The following DENND4A variants were observed in gnomAD, a reference collection of about 807,000 sequenced individuals.
DENND4A encodes the protein DENN domain containing 4A, also known as C-myc promoter-binding protein.
DENND4A carries 70 observed loss-of-function variants against 199.3 expected under a neutral mutation model. The ratio of observed to expected loss-of-function variants is 0.35; its 90% confidence interval spans 0.29 to 0.43. The LOEUF is 0.43. DENND4A is among the 20% of genes least tolerant of loss of function. DENND4A has a pLI of 1.00. For synonymous variants in DENND4A, 686 were observed against 766.9 expected, an observed-to-expected ratio of 0.89 and a Z score of 1.74; for missense variants, 1,723 against 2,255.8, an observed-to-expected ratio of 0.76 and a Z score of 4.78.
chr15:65,771,196 A>C (rs748158988), intron 1 of DENND4A: 13 of 1,605,908 alleles, frequency 8.1e-6, no homozygotes, highest in Non-Finnish European at 1.1e-5. Context: ...AAAGACCGGT[A>C]AGCCGCTCTA....
chr15:65,707,138 A>G (rs2075090311), intron 14 of DENND4A, among the ~76,000 whole-genome samples: 1 of 152,156 alleles, frequency 6.6e-6, no homozygotes, highest in Non-Finnish European at 1.5e-5. Context: ...AGTCACATCA[A>G]TATCGAAAGC....
intron 13 of DENND4A, 138 bp from the exon 14 acceptor site, chr15:65,715,761 A>G (rs1008257674): frequency 2.8e-6 from 2 of 711,744 alleles, no homozygotes; most frequent in African/African-American, 1.9e-5. Flanking sequence ...GCTGAGAGGG[A>G]AAATGACCTG....
chr15:65,791,438 A>G (rs181976926), intron 1 of DENND4A, among the ~76,000 whole-genome samples: 1 of 151,472 alleles, frequency 6.6e-6, no homozygotes, highest in Non-Finnish European at 1.5e-5. Context: ...GTAACCAGGA[A>G]CAGTTCCCTT....
intron 1 of DENND4A, among the ~76,000 whole-genome samples, chr15:65,768,554 G>A (rs1248381693): frequency 6.6e-6 from 1 of 151,984 alleles, no homozygotes; most frequent in African/African-American, 2.4e-5. Flanking sequence ...TTACATAAAT[G>A]GAACATGGAA....
intron 23 of DENND4A, among the ~76,000 whole-genome samples, chr15:65,687,307 A>G (rs1045264547): frequency 6.6e-6 from 1 of 152,118 alleles, no homozygotes; most frequent in Admixed American, 6.5e-5. Flanking sequence ...TTTACTACTG[A>G]TGTTCACTAC....
chr15:65,723,167 A>T (rs981169188), intron 11 of DENND4A, among the ~76,000 whole-genome samples: 1 of 152,210 alleles, frequency 6.6e-6, no homozygotes, highest in East Asian at 1.9e-4. Context: ...TGTATTAAAT[A>T]TAGTTCACAA....
At chr15:65,739,315 C>A (rs1156742906) in intron 5 of DENND4A, among the ~76,000 whole-genome samples, 1 of 152,082 alleles carries the variant, frequency 6.6e-6, no homozygotes, top group African/African-American at 2.4e-5. Flanking sequence ...ATTTCTAGCA[C>A]AAATACAGGA....
In DENND4A at chr15:65,691,423, A is replaced by T. The variant is rs1411313985; in HGVS notation, c.3171T>A (p.His1057Gln). ...GCAAATTAGTTTCATTGTCACTTTT[A>T]TGTCTTTTCCTGAAGCATCTACTTT... is the stretch of plus-strand genomic sequence containing the variant. ...NIQSRCFRKR[H>Q]KSDNETNLQQ... is the part of the protein sequence containing the mutation. The change falls in exon 23 of 33, where the codon CAT becomes CAA. Residue 1057 changes from histidine (H) to glutamine (Q), a missense_variant. Around this residue, in one of 6 missense-constraint regions of DENND4A, gnomAD observed 650 missense variants for 738.1 expected, o/e 0.88. Coordinates refer to ENST00000443035, the MANE Select transcript of DENND4A (RefSeq NM_001320835.1). 6.2e-7 allele frequency: 1 copy of T among 1,613,398 alleles called. No individual in the cohort carries two copies. Among genetic ancestry groups the T allele is most frequent in the Non-Finnish European group, 8.5e-7 (1 of 1,179,654 alleles).
chr15:65,738,894 ATAT>A lies in DENND4A; in HGVS notation c.632-22_632-20del. ...ATTAGGCCTATAAAAACAACAATAA[ATAT>A]TAGGTCATCATCTCTTGAATTTAGG... is the stretch of plus-strand genomic sequence containing the variant. On this transcript the variant is annotated intron_variant, in intron 5 of 32. Transcript: ENST00000443035. 1.3e-6 allele frequency: 2 copies of A among 1,507,210 alleles called. No homozygotes were observed. Among genetic ancestry groups the A allele is most frequent in the Non-Finnish European group, 1.8e-6 (2 of 1,118,232 alleles). 93.4% of individuals were successfully genotyped at this position (1,507,210 alleles called of 1,614,324 possible). A position where few individuals can be genotyped will look rare whatever the true frequency, so the allele number is the denominator to read the frequency against.
At chr15:65,726,659 A>G (rs1440996757) in intron 11 of DENND4A, among the ~76,000 whole-genome samples, 1 of 152,184 alleles carries the variant, frequency 6.6e-6, no homozygotes, top group Non-Finnish European at 1.5e-5. Context: ...AAGACTGAGA[A>G]CTAATCTAAG....
At position 65,719,526 on chromosome 15, in the gene DENND4A, T is replaced by TA. The variant is rs1262712322; in HGVS notation, c.1589-1531dup. Among the ~76,000 whole-genome samples the TA allele has an allele frequency of 2.6e-5, 4 of 151,994 alleles. No homozygotes were observed. The East Asian group carries it at 7.7e-4, about 29-fold the overall frequency. On this transcript the variant is annotated intron_variant, in intron 12 of 32. Transcript: ENST00000443035. Reference sequence around the variant, plus strand: ...TCATCAATAATGGGACAAAGCAAAATAGTGTGCGATCTGATATAAGGACGC... The same window carrying TA: ...TCATCAATAATGGGACAAAGCAAAATAAGTGTGCGATCTGATATAAGGACGC...
At chr15:65,662,397 TTTGTGTGTCCTAACTTCCTATA>T (rs2075875287) in intron 32 of DENND4A, among the ~76,000 whole-genome samples, 1 of 152,376 alleles carries the variant, frequency 6.6e-6, no homozygotes, top group East Asian at 1.9e-4. Flanking sequence ...TTTTTTTTGG[TTTGTGTGTCCTAACTTCCTATA>T]TTATGGGCTA....
In DENND4A at chr15:65,659,319, C is replaced by G. The variant is rs1299780759; in HGVS notation, c.*2532G>C. ...AGTTATTTTAAATGATTGATATTTT[C>G]TGGTTTTTTTTTTTTTTTTTTTTTT... On this transcript the variant is annotated 3_prime_UTR_variant, in exon 33 of 33. Transcript: ENST00000443035. 2 of 29,844 alleles carry G rather than the reference C, an allele frequency of 6.7e-5. No homozygotes were observed. Among genetic ancestry groups the G allele is most frequent in the African/African-American group, 1.2e-4 (1 of 8,488 alleles). 1.8% of individuals were successfully genotyped at this position (29,844 alleles called of 1,614,324 possible).
At chr15:65,728,471 T>C (rs974541633) in intron 11 of DENND4A, among the ~76,000 whole-genome samples, 3 of 149,320 alleles carry the variant, frequency 2.0e-5, no homozygotes, top group Non-Finnish European at 4.4e-5. Context: ...AAATTTCTTT[T>C]TCTTTTTTTC....
chr15:65,662,099 T>C, intron 32 of DENND4A, 112 bp from the exon 33 acceptor site: 85 of 776,884 alleles, frequency 1.1e-4, no homozygotes, highest in Non-Finnish European at 1.5e-4. Flanking sequence ...AAGAAGGAAT[T>C]GCTAGGACAT....
chr15:65,743,749 T>C (rs1186208706), intron 4 of DENND4A, among the ~76,000 whole-genome samples: 3 of 152,184 alleles, frequency 2.0e-5, no homozygotes, highest in Non-Finnish European at 2.9e-5. Context: ...CAGAGGTTTC[T>C]AGGTAGAAGG....
intron 14 of DENND4A, among the ~76,000 whole-genome samples, chr15:65,709,741 T>A (rs1341231535): frequency 7.6e-6 from 1 of 132,250 alleles, no homozygotes; most frequent in Non-Finnish European, 1.6e-5. Context: ...TATATATATA[T>A]AATCTCGTGA....
At chr15:65,690,139 T>C (rs2142064216) in intron 23 of DENND4A, among the ~76,000 whole-genome samples, 1 of 152,312 alleles carries the variant, frequency 6.6e-6, no homozygotes, top group Non-Finnish European at 1.5e-5. Context: ...TTGAAGGAAA[T>C]ACTGAAATTC....
intron 1 of DENND4A, among the ~76,000 whole-genome samples, chr15:65,787,656 C>T (rs1357283473): frequency 1.3e-5 from 2 of 152,136 alleles, no homozygotes; most frequent in African/African-American, 2.4e-5. Context: ...GAACTCACAG[C>T]ATACCTTCCC....
Sources: gnomAD v4.1 joint callset for allele counts (sites outside exome capture counted in the v4.1 genomes callset) on GRCh38, gnomAD v4.1.1 for gene constraint, gnomAD v4.1.1 regional missense constraint, MANE v1.5 for transcripts, NCBI Gene and HGNC (gene_info 2026-07-23, HGNC 2026-07-21) for gene names.